The following URI1 variants were observed in gnomAD, a reference collection of about 807,000 sequenced individuals.
URI1 encodes unconventional prefoldin RPB5 interactor 1.
Under a neutral mutation model 60.2 loss-of-function variants are expected in URI1, and 39 were observed. The observed-to-expected ratio is 0.65, with a 90% confidence interval of 0.50 to 0.85. The LOEUF is 0.85. Ranked by LOEUF, URI1 falls within the 40% of genes least tolerant of loss-of-function variation. URI1 has a pLI of 0.00. For synonymous variants in URI1, 251 were observed against 236.8 expected (o/e 1.06, Z -0.55); for missense variants, 691 against 665.9 (o/e 1.04, Z -0.42).
At chr19:29,957,059 A>G (rs1599672631) in intron 1 of URI1, 9 of 545,768 alleles carry the variant, frequency 1.6e-5, no homozygotes, top group Middle Eastern at 4.9e-4. Flanking sequence ...GGATGATGTC[A>G]TTTTGTCATT....
chr19:30,001,667 C>G (rs1179340716), intron 4 of URI1, among the ~76,000 whole-genome samples: 6 of 151,944 alleles, frequency 3.9e-5, no homozygotes, highest in Admixed American at 3.9e-4. Flanking sequence ...ATTGCCTTTT[C>G]CAGGTCCGAT....
At position 30,012,415 on chromosome 19, in the gene URI1, G is replaced by A; in HGVS notation, c.1309G>A (p.Val437Ile). Residue 437 changes from valine (V) to isoleucine (I), a missense_variant, in exon 10 of 11, where the codon GTT (valine) becomes ATT (isoleucine). Val to Ile is a conservative substitution (Grantham distance 29). Transcript: ENST00000392271. ...TGCTGAATTTGATGATAGGCGGGGA[G>A]TTTTGAGGAGTATCAGCTGCGAAGA... is the stretch of plus-strand genomic sequence containing the variant. Reference protein sequence around the residue: ...SAAEFDDRRGVLRSISCEEAT... With the variant: ...SAAEFDDRRGILRSISCEEAT... 6.2e-7 allele frequency: 1 copy of A among 1,614,192 alleles called. No individual in the cohort carries two copies.
At chr19:29,930,378 C>T (rs752379164) in intron 1 of URI1, among the ~76,000 whole-genome samples, 1 of 152,230 alleles carries the variant, frequency 6.6e-6, no homozygotes, top group Non-Finnish European at 1.5e-5. Context: ...CCTATGGTTT[C>T]TTCTGTGTTT....
chr19:29,952,937 A>G (rs527678956), intron 1 of URI1, among the ~76,000 whole-genome samples: 1 of 152,276 alleles, frequency 6.6e-6, no homozygotes, highest in Non-Finnish European at 1.5e-5. Context: ...TTGGTGTCAT[A>G]TCTAAGAATC....
chr19:29,968,878 A>T (rs901079674), intron 1 of URI1, among the ~76,000 whole-genome samples: 8 of 151,904 alleles, frequency 5.3e-5, no homozygotes, highest in African/African-American at 1.7e-4. Flanking sequence ...ACCAAAATTT[A>T]CTAATTTTTT....
intron 6 of URI1, among the ~76,000 whole-genome samples, chr19:30,006,870 A>C (rs955710620): frequency 1.3e-5 from 2 of 152,070 alleles, no homozygotes; most frequent in African/African-American, 4.8e-5. Flanking sequence ...TTTTCCTCAC[A>C]TGAAGATTAC....
chr19:29,944,819 A>G (rs934758797), intron 1 of URI1, among the ~76,000 whole-genome samples: 4 of 152,248 alleles, frequency 2.6e-5, no homozygotes, highest in Admixed American at 2.6e-4. Flanking sequence ...CAGGAGACCC[A>G]CAAGGCCACA....
intron 1 of URI1, among the ~76,000 whole-genome samples, chr19:29,954,142 A>C (rs1052731885): frequency 3.3e-5 from 5 of 152,174 alleles, no homozygotes; most frequent in African/African-American, 1.2e-4. Context: ...CATTTGCTCT[A>C]TCCTACAATA....
chr19:29,926,005 G>A (rs1285575900), intron 1 of URI1: 2 of 152,220 alleles, frequency 1.3e-5, no homozygotes, highest in African/African-American at 4.8e-5. Flanking sequence ...AGGAAGGGAT[G>A]GTGGATGGTG....
rs1353679728 is a variant in URI1 at position 29,942,478 on chromosome 19, T to C, written c.-70T>C. On this transcript the variant is annotated 5_prime_UTR_variant, in exon 1 of 11. Transcript: ENST00000392271. ...GGCGGGCGCGCGGGCGCTGGGCAACTGCCGGCCGCGCCGCCTGCGCAGGCG... is the reference window on the plus strand; with the variant it reads ...GGCGGGCGCGCGGGCGCTGGGCAACCGCCGGCCGCGCCGCCTGCGCAGGCG... 2.7e-6 allele frequency: 3 copies of C among 1,092,414 alleles called. No homozygotes were observed. The highest frequency in any genetic ancestry group is 5.1e-5 in the East Asian group (1 of 19,578). 67.7% of individuals were successfully genotyped at this position (1,092,414 alleles called of 1,614,324 possible). A position where few individuals can be genotyped will look rare whatever the true frequency, so the allele number is the denominator to read the frequency against.
rs138036005 is a variant in URI1, at chr19:30,000,239, T to C, written c.368-5122T>C. 9.9e-5 allele frequency among the ~76,000 whole-genome samples: 15 copies of C among 152,150 alleles called. No homozygotes were observed. The East Asian group carries it at 2.7e-3, about 27-fold the overall frequency. On this transcript the variant is annotated intron_variant, in intron 4 of 10. Transcript: ENST00000392271. ...GTCATTAATTCAGTCAGATACTTTTTTTGTTGTTAAAAATTTTACTGCTGG... is the reference window on the plus strand; with the variant it reads ...GTCATTAATTCAGTCAGATACTTTTCTTGTTGTTAAAAATTTTACTGCTGG...
intron 4 of URI1, among the ~76,000 whole-genome samples, chr19:29,990,424 A>G (rs774291729): frequency 6.6e-6 from 1 of 152,218 alleles, no homozygotes; most frequent in Non-Finnish European, 1.5e-5. Flanking sequence ...ATAAAAATGT[A>G]TGTCCACAAA....
At position 30,016,476 on chromosome 19, in the gene URI1, G is replaced by A. The variant is rs2056087257; in HGVS notation, c.*1407G>A. ...ACACACACAAAGATGCTCCCGTTAG[G>A]AATTGCTATTCACATGAGGCTTTCT... On this transcript the variant is annotated 3_prime_UTR_variant, in exon 11 of 11. Coordinates refer to ENST00000392271, the MANE Select transcript of URI1 (RefSeq NM_003796.3). The A allele has an allele frequency of 6.6e-6, 1 of 152,082 alleles. No homozygotes were observed. The highest frequency in any genetic ancestry group is 2.4e-5 in the African/African-American group (1 of 41,428). 9.4% of individuals were successfully genotyped at this position (152,082 alleles called of 1,614,324 possible).
chr19:29,961,165 T>A (rs1250061290), intron 1 of URI1, among the ~76,000 whole-genome samples: 1 of 151,984 alleles, frequency 6.6e-6, no homozygotes, highest in African/African-American at 2.4e-5. Flanking sequence ...CAGCCCATTT[T>A]AATCATTTTT....
At chr19:30,011,999 T>C (rs1599728817) in intron 9 of URI1, among the ~76,000 whole-genome samples, 1 of 152,032 alleles carries the variant, frequency 6.6e-6, no homozygotes, top group East Asian at 1.9e-4. Context: ...TATACATATG[T>C]AACAAACCTG....
chr19:29,971,049 T>C, intron 1 of URI1, 144 bp from the exon 2 acceptor site: 2 of 756,816 alleles, frequency 2.6e-6, no homozygotes, highest in Non-Finnish European at 4.5e-6. Flanking sequence ...AACGTTCACA[T>C]CTCTGTGCAT....
Position 30,005,427 on chromosome 19 carries a change from C to A in URI1, c.434C>A (p.Thr145Lys). The change falls in exon 5 of 11, where the codon ACA (threonine) becomes AAA (lysine). Residue 145 changes from threonine (T) to lysine (K), a missense_variant. Physicochemically the swap from Thr to Lys is moderately conservative, Grantham distance 78. Coordinates refer to ENST00000392271, the MANE Select transcript of URI1 (RefSeq NM_003796.3). ...AATTTTGAATCCAGAGTTGAATTCA[C>A]AGAAGATTTGCAGAAAATGAGCGAT... is the stretch of plus-strand genomic sequence containing the variant. ...MKNFESRVEF[T>K]EDLQKMSDAA... The A allele has an allele frequency of 6.2e-7, 1 of 1,600,922 alleles. No individual in the cohort carries two copies. The highest frequency in any genetic ancestry group is 8.5e-7 in the Non-Finnish European group (1 of 1,175,546).
intron 10 of URI1, 117 bp downstream of exon 10, chr19:30,012,648 C>T (rs2056037525): frequency 2.3e-6 from 3 of 1,281,554 alleles, no homozygotes; most frequent in African/African-American, 1.5e-5. Context: ...TTTCTTGGTA[C>T]TAATTAATAA....
intron 10 of URI1, chr19:30,012,758 G>A (rs932159756): frequency 1.8e-5 from 8 of 442,248 alleles, no homozygotes; most frequent in Non-Finnish European, 3.0e-5. Flanking sequence ...CAGCAAAATG[G>A]GAAATTTAAA....
Sources: gnomAD v4.1 joint callset for allele counts (sites outside exome capture counted in the v4.1 genomes callset) on GRCh38, gnomAD v4.1.1 for gene constraint, MANE v1.5 for transcripts, NCBI Gene and HGNC (gene_info 2026-07-23, HGNC 2026-07-21) for gene names.